The following NDST3 variants were observed in gnomAD, a reference collection of about 807,000 sequenced individuals.
The protein encoded by NDST3 is N-deacetylase and N-sulfotransferase 3.
A neutral mutation model predicts 96.1 loss-of-function variants in NDST3; 58 were observed. That is an observed-to-expected ratio of 0.60 (90% confidence interval 0.49 to 0.75). The LOEUF is 0.75. Among genes scored for constraint, NDST3 ranks in the 30% least tolerant of loss-of-function variants. The pLI, the probability that NDST3 is intolerant of heterozygous loss-of-function variation, is 0.00. For missense variants in NDST3, 788 were observed against 1,034.2 expected (o/e 0.76, Z 3.27); for synonymous variants, 333 against 359.7 (o/e 0.93, Z 0.84).
intron 2 of NDST3, among the ~76,000 whole-genome samples, chr4:118,083,556 T>C (rs549060837): frequency 3.9e-5 from 6 of 152,254 alleles, no homozygotes; most frequent in African/African-American, 1.4e-4. Flanking sequence ...ACCACCACCA[T>C]TGAGCCCACT....
At chr4:118,053,378 C>T (rs1343410408) in intron 1 of NDST3, among the ~76,000 whole-genome samples, 1 of 151,894 alleles carries the variant, frequency 6.6e-6, no homozygotes, top group African/African-American at 2.4e-5. Flanking sequence ...TGATTAAAAA[C>T]AAACAGCTTG....
At chr4:118,091,175 A>G (rs1474591614) in intron 2 of NDST3, among the ~76,000 whole-genome samples, 3 of 151,702 alleles carry the variant, frequency 2.0e-5, no homozygotes, top group African/African-American at 7.3e-5. Context: ...AGGATGAAAA[A>G]CTACCTATTG....
chr4:118,143,785 A>G (rs1279661464), intron 6 of NDST3, 101 bp downstream of exon 6: 1 of 1,297,234 alleles, frequency 7.7e-7, no homozygotes, highest in Non-Finnish European at 1.0e-6. Flanking sequence ...AGCCAAGCCA[A>G]TATGAAGTTC....
At chr4:118,249,125 TC>T (rs912573239) in intron 12 of NDST3, among the ~76,000 whole-genome samples, 3 of 152,208 alleles carry the variant, frequency 2.0e-5, no homozygotes, top group African/African-American at 7.2e-5. Context: ...AACCTATTTT[TC>T]TTTTGATTCT....
At chr4:118,118,112 G>A (rs756941161) in intron 4 of NDST3, among the ~76,000 whole-genome samples, 6 of 152,120 alleles carry the variant, frequency 3.9e-5, no homozygotes, top group Non-Finnish European at 8.8e-5. Context: ...AAAGTACTCT[G>A]GAGAAAATTC....
chr4:118,237,838 G>A (rs1740741465), intron 10 of NDST3, among the ~76,000 whole-genome samples: 1 of 152,122 alleles, frequency 6.6e-6, no homozygotes, highest in South Asian at 2.1e-4. Flanking sequence ...GCTGGGCGTG[G>A]TGGCTCATGC....
At chr4:118,203,680 C>G (rs927857870) in intron 6 of NDST3, among the ~76,000 whole-genome samples, 1 of 152,136 alleles carries the variant, frequency 6.6e-6, no homozygotes, top group Non-Finnish European at 1.5e-5. Flanking sequence ...TTTTAAATTA[C>G]CTTTAGTAAG....
chr4:118,253,601 T>C lies in NDST3; in HGVS notation c.2502T>C (p.Asp834=). 2 of 1,596,766 alleles carry C rather than the reference T, an allele frequency of 1.3e-6. No individual in the cohort carries two copies. The highest frequency in any genetic ancestry group is 1.7e-6 in the Non-Finnish European group (2 of 1,165,706). Residue 834 remains aspartate, a splice_region_variant and synonymous_variant, in exon 13 of 14, where the codon GAT becomes GAC. Coordinates refer to ENST00000296499, the MANE Select transcript of NDST3 (RefSeq NM_004784.3). ...KGRKYPPMDS[D]SRTFLSSYYR... ...GAAAATACCCTCCAATGGATTCTGA[T>C]GTAAGCATAGACCTTAAAAATACAA...
intron 2 of NDST3, among the ~76,000 whole-genome samples, chr4:118,063,165 C>T (rs1010883669): frequency 4.7e-5 from 7 of 148,018 alleles, no homozygotes; most frequent in African/African-American, 9.9e-5. Flanking sequence ...ACTCCAGCCC[C>T]GGCAACAAGA....
chr4:118,225,952 T>C (rs776015391), intron 7 of NDST3, among the ~76,000 whole-genome samples: 1 of 152,044 alleles, frequency 6.6e-6, no homozygotes, highest in Non-Finnish European at 1.5e-5. Context: ...ACTTTTAAAC[T>C]GAAATCATTA....
intron 6 of NDST3, among the ~76,000 whole-genome samples, chr4:118,160,271 A>G (rs193048584): frequency 2.2e-4 from 33 of 152,320 alleles, no homozygotes; most frequent in African/African-American, 7.7e-4. Flanking sequence ...AAATGCTGAA[A>G]GAAAAAATAA....
At position 118,053,854 on chromosome 4, in the gene NDST3, T is replaced by C. The variant is rs575156671; in HGVS notation, c.-57T>C. 3 of 1,517,070 alleles carry C rather than the reference T, an allele frequency of 2.0e-6. No individual in the cohort carries two copies. Among genetic ancestry groups the C allele is most frequent in the South Asian group, 2.7e-5 (2 of 73,858 alleles). 94.0% of individuals were successfully genotyped at this position (1,517,070 alleles called of 1,614,324 possible). A position where few individuals can be genotyped will look rare whatever the true frequency, so the allele number is the denominator to read the frequency against. On this transcript the variant is annotated 5_prime_UTR_variant, in exon 2 of 14. Transcript: ENST00000296499. ...TGGAAAAGTAGCTGGAACACCATCTTTTCTTTTAACTTTTTATGGTGCTTC... is the reference window on the plus strand; with the variant it reads ...TGGAAAAGTAGCTGGAACACCATCTCTTCTTTTAACTTTTTATGGTGCTTC...
intron 6 of NDST3, among the ~76,000 whole-genome samples, chr4:118,192,500 T>G (rs1353159136): frequency 6.6e-6 from 1 of 152,216 alleles, no homozygotes; most frequent in African/African-American, 2.4e-5. Context: ...CTTCTGCATA[T>G]GGATATCCAG....
At chr4:118,117,321 T>C (rs1731209541) in intron 4 of NDST3, among the ~76,000 whole-genome samples, 1 of 152,066 alleles carries the variant, frequency 6.6e-6, no homozygotes, top group Admixed American at 6.6e-5. Context: ...GCTGTTTTTA[T>C]CATTATATCT....
intron 9 of NDST3, among the ~76,000 whole-genome samples, chr4:118,235,028 A>C (rs1740542745): frequency 7.3e-6 from 1 of 136,548 alleles, no homozygotes; most frequent in African/African-American, 3.1e-5. Context: ...AGACTCCATC[A>C]AAAAAAAAAG....
Position 118,219,390 on chromosome 4 carries a change from A to T in NDST3, c.1540-5101A>T, listed in dbSNP as rs1036028765. Among the ~76,000 whole-genome samples, 24 of 152,258 alleles carry T rather than the reference A, an allele frequency of 1.6e-4. No individual in the cohort carries two copies. The East Asian group carries it at 4.4e-3, about 28-fold the overall frequency. ...AGCGACCTCAGAAATAACACCATAC[A>T]TCTACAACCATCTGATTATCAACAC... On this transcript the variant is annotated intron_variant, in intron 6 of 13. Coordinates refer to ENST00000296499, the MANE Select transcript of NDST3 (RefSeq NM_004784.3).
chr4:118,052,457 C>T (rs1034750141), intron 1 of NDST3, among the ~76,000 whole-genome samples: 3 of 151,876 alleles, frequency 2.0e-5, no homozygotes, highest in Admixed American at 6.6e-5. Context: ...GCCTGGGTGA[C>T]GGGATCCATA....
Position 118,185,643 on chromosome 4 carries a change from T to C in NDST3, c.1540-38848T>C, listed in dbSNP as rs551534628. On this transcript the variant is annotated intron_variant, in intron 6 of 13. Transcript: ENST00000296499. ...TCCAGTGCAGCCACATGGTTGAAGA[T>C]TTATGGACAGAAAAAGGAAAGTGAT... Among the ~76,000 whole-genome samples the C allele has an allele frequency of 4.6e-5, 7 of 152,162 alleles. No homozygotes were observed. In the East Asian group the frequency reaches 1.4e-3, roughly 29 times the overall value.
intron 6 of NDST3, among the ~76,000 whole-genome samples, chr4:118,186,485 C>G (rs1393475549): frequency 6.6e-6 from 1 of 152,098 alleles, no homozygotes; most frequent in African/African-American, 2.4e-5. Flanking sequence ...GTCTAATGTT[C>G]GAGGACAGGA....
Sources: allele counts gnomAD v4.1 joint callset (sites outside exome capture counted in the v4.1 genomes callset), GRCh38; gene constraint gnomAD v4.1.1; transcripts MANE v1.5; gene names NCBI Gene and HGNC (gene_info 2026-07-23, HGNC 2026-07-21).